The following PGD variants were observed in gnomAD, a reference collection of about 807,000 sequenced individuals.
PGD encodes the protein 6-phosphogluconate dehydrogenase, decarboxylating.
A neutral mutation model predicts 60.4 loss-of-function variants in PGD; 21 were observed. The ratio of observed to expected loss-of-function variants is 0.35; its 90% CI spans 0.25 to 0.50. PGD has a LOEUF of 0.50. Among genes scored for constraint, PGD ranks in the 20% least tolerant of loss-of-function variants. The pLI, the probability that PGD is intolerant of heterozygous loss-of-function variation, is 0.98. For missense variants in PGD, 477 were observed against 613.1 expected, an observed-to-expected ratio of 0.78 and a Z score of 2.34; for synonymous variants, 230 against 235.9, an observed-to-expected ratio of 0.97 and a Z score of 0.23.
intron 8 of PGD, among the ~76,000 whole-genome samples, chr1:10,414,824 G>T (rs1329064626): frequency 6.6e-6 from 1 of 151,880 alleles, no homozygotes; most frequent in Non-Finnish European, 1.5e-5. Flanking sequence ...CAGGCGCGGT[G>T]GCTCACGCCT....
Position 10,403,077 on chromosome 1 carries a change from TTGTTG to T in PGD, c.272_276del (p.Leu91Ter). 6.2e-7 allele frequency: 1 copy of T among 1,606,584 alleles called. No individual in the cohort carries two copies. Among genetic ancestry groups the T allele is most frequent in the Non-Finnish European group, 8.5e-7 (1 of 1,173,214 alleles). ...TGCTGGTGTCTGGTTACAGGTACCATTGTTGGATACTGGTGACATCATCATTGACG... is the reference window on the plus strand; with the variant it reads ...TGCTGGTGTCTGGTTACAGGTACCATGATACTGGTGACATCATCATTGACG... On this transcript the variant is annotated frameshift_variant, in exon 4 of 13. Transcript: ENST00000270776. LOFTEE classifies it high-confidence loss of function.
In PGD at chr1:10,419,953, C is replaced by T; in HGVS notation, c.*204C>T. On this transcript the variant is annotated 3_prime_UTR_variant, in exon 13 of 13. Coordinates refer to ENST00000270776, the MANE Select transcript of PGD (RefSeq NM_002631.4). ...CTCTGCCCTTGCCTCTTGGGACTGACCAGGAGCTGCTCATGTGCGTGAGAG... is the reference window on the plus strand; with the variant it reads ...CTCTGCCCTTGCCTCTTGGGACTGATCAGGAGCTGCTCATGTGCGTGAGAG... 1 of 582,234 alleles carries T rather than the reference C, an allele frequency of 1.7e-6. No homozygotes were observed. Among genetic ancestry groups the T allele is most frequent in the Middle Eastern group, 4.8e-4 (1 of 2,092 alleles). 36.1% of individuals were successfully genotyped at this position (582,234 alleles called of 1,614,324 possible).
At chr1:10,419,369 G>C (rs766336844) in intron 11 of PGD, 48 bp from the exon 12 acceptor site, 2 of 1,584,928 alleles carry the variant, frequency 1.3e-6, no homozygotes, top group African/African-American at 2.7e-5. Context: ...ATCTATCCGC[G>C]TCACCAGGGG....
intron 3 of PGD, among the ~76,000 whole-genome samples, chr1:10,402,786 G>A (rs985682500): frequency 3.3e-5 from 5 of 151,986 alleles, no homozygotes; most frequent in Non-Finnish European, 7.4e-5. Context: ...GCCTCCCAAA[G>A]TGCTGGGATA....
intron 7 of PGD, 66 bp downstream of exon 7, chr1:10,411,618 A>G (rs1172203045): frequency 6.3e-7 from 1 of 1,590,408 alleles, no homozygotes; most frequent in Non-Finnish European, 8.6e-7. Context: ...CAGACACCGA[A>G]TCTTTTCTTC....
At chr1:10,416,958 TG>T (rs746545307) in intron 8 of PGD, 28 bp from the exon 9 acceptor site, 4 of 1,609,558 alleles carry the variant, frequency 2.5e-6, no homozygotes, top group Non-Finnish European at 3.4e-6. Context: ...GACAGTAATC[TG>T]TTTCCTCTTC....
Position 10,403,083 on chromosome 1 carries a change from G to A in PGD, c.277G>A (p.Asp93Asn). 6.2e-7 allele frequency: 1 copy of A among 1,608,876 alleles called. No individual in the cohort carries two copies. Among genetic ancestry groups the A allele is most frequent in the Non-Finnish European group, 8.5e-7 (1 of 1,175,352 alleles). ...DFIEKLVPLL[D>N]TGDIIIDGGN... ...TGTCTGGTTACAGGTACCATTGTTG[G>A]ATACTGGTGACATCATCATTGACGG... Residue 93 changes from aspartate (D) to asparagine (N), a missense_variant, in exon 4 of 13, where the codon GAT (aspartate) becomes AAT (asparagine). Asp to Asn is a conservative substitution (Grantham distance 23). Around this residue, in one of 3 missense-constraint regions of PGD, gnomAD observed 431 missense variants for 556.6 expected, o/e 0.77. Coordinates refer to ENST00000270776, the MANE Select transcript of PGD (RefSeq NM_002631.4).
intron 5 of PGD, 37 bp downstream of exon 5, chr1:10,404,316 G>A: frequency 7.5e-7 from 1 of 1,337,064 alleles, no homozygotes; most frequent in East Asian, 2.4e-5. Flanking sequence ...CTCTGTACAA[G>A]GGAGCTGGAC....
At position 10,402,367 on chromosome 1, in the gene PGD, G is replaced by A. The variant is rs565461728; in HGVS notation, c.265-704G>A. On this transcript the variant is annotated intron_variant, in intron 3 of 12. Transcript: ENST00000270776. ...TTACAGGTGTGAGCCACTGAGCCTG[G>A]TCAGCCCTAAACTTTTAAATAGTGT... 2.0e-5 allele frequency among the ~76,000 whole-genome samples: 3 copies of A among 151,898 alleles called. No individual in the cohort carries two copies. In the South Asian group the frequency reaches 6.2e-4, roughly 32 times the overall value.
intron 10 of PGD, 34 bp downstream of exon 10, chr1:10,417,543 G>C: frequency 3.8e-6 from 6 of 1,583,660 alleles, no homozygotes; most frequent in Admixed American, 1.8e-5. Flanking sequence ...CCGACGGGAA[G>C]GACTCACACG....
At chr1:10,407,361 G>A (rs190785728) in intron 5 of PGD, among the ~76,000 whole-genome samples, 28 of 152,282 alleles carry the variant, frequency 1.8e-4, no homozygotes, top group Admixed American at 1.6e-3. Flanking sequence ...GAGGCAGGAG[G>A]ATCACCTAAG....
At chr1:10,414,792 C>G (rs1335141496) in intron 8 of PGD, among the ~76,000 whole-genome samples, 1 of 151,726 alleles carries the variant, frequency 6.6e-6, no homozygotes, top group Non-Finnish European at 1.5e-5. Context: ...ATTGTTCTCA[C>G]TATATTAAAA....
intron 3 of PGD, among the ~76,000 whole-genome samples, chr1:10,402,023 AAATAAATT>A (rs1196737203): frequency 1.3e-5 from 2 of 151,020 alleles, no homozygotes; most frequent in Non-Finnish European, 2.9e-5. Context: ...TCAAATAAAT[AAATAAATT>A]AATTAATTAA....
intron 8 of PGD, among the ~76,000 whole-genome samples, chr1:10,414,821 G>C (rs549316114): frequency 6.6e-6 from 1 of 151,794 alleles, no homozygotes; most frequent in Admixed American, 6.6e-5. Context: ...GGCCAGGCGC[G>C]GTGGCTCACG....
chr1:10,419,387 C>T, intron 11 of PGD, 30 bp from the exon 12 acceptor site: 1 of 1,603,824 alleles, frequency 6.2e-7, no homozygotes, highest in South Asian at 1.1e-5. Flanking sequence ...GGGCAGATCA[C>T]TAATCTCTGG....
intron 8 of PGD, among the ~76,000 whole-genome samples, chr1:10,414,360 G>A (rs573775267): frequency 6.6e-6 from 1 of 151,964 alleles, no homozygotes; most frequent in Non-Finnish European, 1.5e-5. Flanking sequence ...TCTTGGCCGG[G>A]GGGGTGGTTT....
intron 8 of PGD, 27 bp downstream of exon 8, chr1:10,413,278 C>G: frequency 1.3e-6 from 2 of 1,585,858 alleles, no homozygotes; most frequent in East Asian, 2.2e-5. Context: ...CACATGGGCC[C>G]TTTCGTCCAC....
intron 2 of PGD, 23 bp downstream of exon 2, chr1:10,399,727 C>G (rs369040644): frequency 3.7e-6 from 6 of 1,608,064 alleles, no homozygotes; most frequent in Non-Finnish European, 5.1e-6. Context: ...GGCGCGTTGT[C>G]TTCTCTCTGG....
intron 8 of PGD, among the ~76,000 whole-genome samples, chr1:10,413,744 A>T (rs1639545303): frequency 6.6e-6 from 1 of 152,102 alleles, no homozygotes; most frequent in Admixed American, 6.6e-5. Context: ...TTTCTACTAA[A>T]AATACAAAAA....
Sources: gnomAD v4.1 joint callset for allele counts (sites outside exome capture counted in the v4.1 genomes callset) on GRCh38, gnomAD v4.1.1 for gene constraint, gnomAD v4.1.1 regional missense constraint, MANE v1.5 for transcripts, NCBI Gene and HGNC (gene_info 2026-07-23, HGNC 2026-07-21) for gene names.